The following YJU2B variants were observed in gnomAD, a reference collection of about 807,000 sequenced individuals.
The protein encoded by YJU2B is YJU2 splicing factor homolog B.
Under a neutral mutation model 38.0 loss-of-function variants are expected in YJU2B, and 18 were observed. The observed-to-expected ratio is 0.47, with a 90% CI of 0.33 to 0.70. The LOEUF is 0.70. Ranked by LOEUF, YJU2B falls within the 30% of genes least tolerant of loss-of-function variation. The pLI is 0.02. For synonymous variants in YJU2B, 246 were observed against 225.4 expected (o/e 1.09, Z -0.82); for missense variants, 538 against 556.3 (o/e 0.97, Z 0.33).
intron 2 of YJU2B, among the ~76,000 whole-genome samples, chr19:13,738,814 C>T (rs979766890): frequency 1.3e-5 from 2 of 148,880 alleles, no homozygotes; most frequent in African/African-American, 2.5e-5. Flanking sequence ...GGTGTGAACC[C>T]GGGAGGCGGA....
chr19:13,747,988 C>T (rs1023708839), intron 1 of YJU2B, 34 bp downstream of exon 1: 1 of 152,228 alleles, frequency 6.6e-6, no homozygotes, highest in East Asian at 1.9e-4. Context: ...CGGGGAGGGC[C>T]GGGGGTCCGG....
At chr19:13,742,515 A>G (rs994698433) in intron 2 of YJU2B, among the ~76,000 whole-genome samples, 2 of 151,870 alleles carry the variant, frequency 1.3e-5, no homozygotes, top group African/African-American at 2.4e-5. Flanking sequence ...TAATCTGTCT[A>G]TTGTCAGCTC....
rs1326757284 is a variant in YJU2B, at chr19:13,762,740, T to C, written c.863T>C (p.Ile288Thr). The change falls in exon 10 of 10, where the codon ATC becomes ACC. Residue 288 changes from isoleucine to threonine, a missense_variant. Ile to Thr is a moderately conservative substitution (Grantham distance 89, BLOSUM62 -1). Around this residue, in one of 2 missense-constraint regions of YJU2B, gnomAD observed 488 missense variants for 469.5 expected, o/e 1.04. Coordinates refer to ENST00000221554, the MANE Select transcript of YJU2B (RefSeq NM_030818.4). ...SRRTALATSP[I>T]TVGDLGIVRR... ...AGAACCGCGCTTGCCACCTCCCCCA[T>C]CACCGTCGGGGACCTGGGCATCGTG... is the stretch of plus-strand genomic sequence containing the variant. 1 of 1,608,606 alleles carries C rather than the reference T, an allele frequency of 6.2e-7. No individual in the cohort carries two copies. The highest frequency in any genetic ancestry group is 8.5e-7 in the Non-Finnish European group (1 of 1,179,260).
At chr19:13,760,713 C>T (rs774873712) in intron 8 of YJU2B, among the ~76,000 whole-genome samples, 9 of 152,116 alleles carry the variant, frequency 5.9e-5, no homozygotes, top group Non-Finnish European at 1.2e-4. Flanking sequence ...CCCACTAAGC[C>T]TCCCAAGTAG....
chr19:13,735,610 A>C (rs1202092616), intron 2 of YJU2B, among the ~76,000 whole-genome samples: 1 of 148,578 alleles, frequency 6.7e-6, no homozygotes, highest in Non-Finnish European at 1.5e-5. Flanking sequence ...TGTTGTTACC[A>C]CTCAGACAAA....
In YJU2B at chr19:13,758,866, A is replaced by G; in HGVS notation, c.258-2A>G. ...TGACTCCTGCCCACCGCTCCCTCCC[A>G]GGTTCCGGATGAAATGCCACCTCTG... On this transcript the variant is annotated splice_acceptor_variant, in intron 6 of 9. Coordinates refer to ENST00000221554, the MANE Select transcript of YJU2B (RefSeq NM_030818.4). LOFTEE classifies it high-confidence loss of function. 1 of 1,613,786 alleles carries G rather than the reference A, an allele frequency of 6.2e-7. No individual in the cohort carries two copies. The highest frequency in any genetic ancestry group is 8.5e-7 in the Non-Finnish European group (1 of 1,179,996).
chr19:13,742,294 CTTTTTTTTTTTTTTTTT>C (rs552865402), intron 2 of YJU2B, among the ~76,000 whole-genome samples: 1 of 111,976 alleles, frequency 8.9e-6, no homozygotes, highest in East Asian at 2.8e-4. Flanking sequence ...TTGAGTCCCA[CTTTTTTTTTTTTTTTTT>C]TTTTTTTTTT....
chr19:13,757,709 C>T (rs1973720473), intron 5 of YJU2B, 77 bp from the exon 6 acceptor site: 3 of 1,425,290 alleles, frequency 2.1e-6, no homozygotes, highest in Non-Finnish European at 3.0e-6. Flanking sequence ...GACAGTGAGC[C>T]TCTTTGTACC....
At chr19:13,745,739 A>C (rs1290763386), upstream of YJU2B, among the ~76,000 whole-genome samples, 346 of 91,874 alleles carry the variant, frequency 3.8e-3, 3 homozygotes, top group African/African-American at 0.012. Context: ...ATATATATAT[A>C]TATAGATATA....
chr19:13,760,606 C>A (rs940583670), intron 8 of YJU2B, among the ~76,000 whole-genome samples: 5 of 150,046 alleles, frequency 3.3e-5, no homozygotes, highest in African/African-American at 1.2e-4. Context: ...TATTTTTTTT[C>A]TTTTTGTGAC....
intron 2 of YJU2B, among the ~76,000 whole-genome samples, chr19:13,733,120 G>C (rs561610827): frequency 6.6e-6 from 1 of 150,866 alleles, no homozygotes; most frequent in African/African-American, 2.4e-5. Context: ...TAGTAGAGAC[G>C]GGGTTTCATG....
At chr19:13,745,714 G>T (rs952054190), upstream of YJU2B, among the ~76,000 whole-genome samples, 8 of 120,990 alleles carry the variant, frequency 6.6e-5, no homozygotes, top group African/African-American at 2.6e-4. Context: ...GATATCTATA[G>T]ATCTATAGAT....
chr19:13,755,517 A>C (rs1973633074), intron 3 of YJU2B, among the ~76,000 whole-genome samples: 1 of 152,020 alleles, frequency 6.6e-6, no homozygotes, highest in African/African-American at 2.4e-5. Context: ...AATGTTTGCC[A>C]GTCTTGTCAC....
chr19:13,762,196 AAG>A lies in YJU2B; in HGVS notation c.574-100_574-99del, dbSNP rs563188050. ...GGCGACAGAATGAAACTGTCTCAAA[AAG>A]AGTAAATGAGACCCCGAGAGTTGGA... On this transcript the variant is annotated intron_variant, in intron 8 of 9. Coordinates refer to ENST00000221554, the MANE Select transcript of YJU2B (RefSeq NM_030818.4). The A allele has an allele frequency of 5.5e-5, 74 of 1,351,678 alleles. 1 individual carries two copies. The South Asian group carries it at 1.0e-3, about 18-fold the overall frequency. 83.7% of individuals were successfully genotyped at this position (1,351,678 alleles called of 1,614,324 possible).
At chr19:13,742,830 A>C (rs1973128722) in intron 2 of YJU2B, among the ~76,000 whole-genome samples, 1 of 152,200 alleles carries the variant, frequency 6.6e-6, no homozygotes, top group South Asian at 2.1e-4. Context: ...CAAGGGCTCA[A>C]GCAAAATCCA....
rs772130540 is a variant in YJU2B at position 13,762,882 on chromosome 19, CTG to C, written c.1007_1008del (p.Cys336SerfsTer6). 4 of 1,610,966 alleles carry C rather than the reference CTG, an allele frequency of 2.5e-6. No individual in the cohort carries two copies. Among genetic ancestry groups the C allele is most frequent in the East Asian group, 2.2e-5 (1 of 44,822 alleles). On this transcript the variant is annotated frameshift_variant, in exon 10 of 10. Transcript: ENST00000221554. LOFTEE classifies it low-confidence loss of function (END_TRUNC). Reference protein sequence around the residue: ...AQDRPMSPGDCPPETTETPKC... With the variant: ...AQDRPMSPGDXPPETTETPKC... ...AGGACCGGCCCATGTCCCCCGGAGA[CTG>C]TCCTCCGGAAACAACTGAGACCCCC... is the stretch of plus-strand genomic sequence containing the variant.
At chr19:13,735,529 GTTT>G (rs544973465) in intron 2 of YJU2B, among the ~76,000 whole-genome samples, 1 of 142,270 alleles carries the variant, frequency 7.0e-6, no homozygotes, top group African/African-American at 2.6e-5. Context: ...CAGTGTCTGT[GTTT>G]TTTTTTTTTT....
chr19:13,758,830 C>G, intron 6 of YJU2B, 38 bp from the exon 7 acceptor site: 1 of 1,611,888 alleles, frequency 6.2e-7, no homozygotes, highest in Non-Finnish European at 8.5e-7. Flanking sequence ...TGGTGCACAG[C>G]CACAGCCTCC....
At chr19:13,747,640 CG>C (rs1370004895), upstream of YJU2B, 39 of 152,512 alleles carry the variant, frequency 2.6e-4, 1 homozygote, top group African/African-American at 9.4e-4. Flanking sequence ...CCTCGCTGAC[CG>C]GCTGCAGCGC....
Sources: gnomAD v4.1 joint callset for allele counts (sites outside exome capture counted in the v4.1 genomes callset) on GRCh38, gnomAD v4.1.1 for gene constraint, gnomAD v4.1.1 regional missense constraint, MANE v1.5 for transcripts, NCBI Gene and HGNC (gene_info 2026-07-23, HGNC 2026-07-21) for gene names.